Variants in MINDY1 observed in about 807,000 individuals in gnomAD.
MINDY1 encodes the protein MINDY lysine 48 deubiquitinase 1.
MINDY1 carries 50 observed loss-of-function variants against 53.6 expected under a neutral mutation model. The ratio of observed to expected loss-of-function variants is 0.93; its 90% CI spans 0.74 to 1.18. The LOEUF is 1.18. MINDY1 is among the 50% of genes most tolerant of loss of function. The pLI is 0.00. For synonymous variants in MINDY1, 231 were observed against 234.7 expected (o/e 0.98, Z 0.14); for missense variants, 484 against 578.6 (o/e 0.84, Z 1.68).
Position 150,998,246 on chromosome 1 carries a change from G to T in MINDY1, c.1009C>A (p.Gln337Lys). 6.2e-7 allele frequency: 1 copy of T among 1,614,002 alleles called. No individual in the cohort carries two copies. Among genetic ancestry groups the T allele is most frequent in the Non-Finnish European group, 8.5e-7 (1 of 1,179,970 alleles). The change falls in exon 8 of 10, where the codon CAG becomes AAG. Residue 337 changes from glutamine (Q) to lysine (K), a missense_variant. Gln to Lys is a moderately conservative substitution (Grantham distance 53, BLOSUM62 1). Transcript: ENST00000683666. ...ACTTGCTCCTCCTGTAGAAAGCCCTGGTCAGTGACCAGTAGGTATAAGTGA... is the reference window on the plus strand; with the variant it reads ...ACTTGCTCCTCCTGTAGAAAGCCCTTGTCAGTGACCAGTAGGTATAAGTGA... The part of the protein sequence containing the change: ...KSHLYLLVTD[Q>K]GFLQEEQVVW...
upstream of MINDY1, chr1:151,008,379 G>A: frequency 8.1e-7 from 1 of 1,227,478 alleles, no homozygotes; most frequent in South Asian, 1.6e-5. Context: ...CCGGAAAGAC[G>A]TCCCAGGAGC....
Position 151,001,731 on chromosome 1 carries a change from G to A in MINDY1, c.505C>T (p.His169Tyr), listed in dbSNP as rs1672601138. 6.2e-7 allele frequency: 1 copy of A among 1,610,632 alleles called. No homozygotes were observed. The highest frequency in any genetic ancestry group is 8.5e-7 in the Non-Finnish European group (1 of 1,179,006). The part of the protein sequence containing the change: ...EVITSDELMA[H>Y]LGNCLLSIKP... ...TCAACGCCCAGTCACTCACCAAGATGGGCCATGAGCTCATCCGATGTGATC... is the reference window on the plus strand; with the variant it reads ...TCAACGCCCAGTCACTCACCAAGATAGGCCATGAGCTCATCCGATGTGATC... Residue 169 changes from histidine to tyrosine, a missense_variant, in exon 3 of 10, where the codon CAT becomes TAT. Coordinates refer to ENST00000683666, the MANE Select transcript of MINDY1 (RefSeq NM_001376665.1).
At chr1:150,997,882 C>G in intron 8 of MINDY1, 103 bp from the exon 9 acceptor site, 1 of 1,325,292 alleles carries the variant, frequency 7.5e-7, no homozygotes, top group Non-Finnish European at 1.0e-6. Flanking sequence ...TTCTCTAGCT[C>G]TTTCTCCCCA....
chr1:151,001,083 C>T (rs1362647875), intron 4 of MINDY1, among the ~76,000 whole-genome samples, 167 bp downstream of exon 4: 1 of 152,098 alleles, frequency 6.6e-6, no homozygotes, highest in Non-Finnish European at 1.5e-5. Context: ...GAGCACCCGG[C>T]CAATGAACAT....
At position 151,001,769 on chromosome 1, in the gene MINDY1, G is replaced by C; in HGVS notation, c.467C>G (p.Pro156Arg). 7 of 1,598,188 alleles carry C rather than the reference G, an allele frequency of 4.4e-6. No individual in the cohort carries two copies. The highest frequency in any genetic ancestry group is 1.4e-5 in the African/African-American group (1 of 73,882). ...LFLQWKVKLP[P>R]QKEVITSDEL... ...ATCCGATGTGATCACTTCCTTCTGC[G>C]GGGGGAGCTTCACCTGGAGGCAGAA... is the stretch of plus-strand genomic sequence containing the variant. Residue 156 changes from proline to arginine, a missense_variant, in exon 3 of 10, where the codon CCG (proline) becomes CGG (arginine). By Grantham distance (103) the Pro-to-Arg change is moderately radical. Transcript: ENST00000683666.
Position 150,997,338 on chromosome 1 carries a change from G to C in MINDY1, c.1359C>G (p.Ala453=). 25 of 1,602,288 alleles carry C rather than the reference G, an allele frequency of 1.6e-5. No homozygotes were observed. The highest frequency in any genetic ancestry group is 2.0e-5 in the Non-Finnish European group (23 of 1,173,320). The part of the protein sequence containing the change: ...QGRGATSGRP[A]GERRQRPKHE... ...GCTTCGGCCTCTGCCGACGCTCCCCGGCTGGGCGTCCAGATGTGGCTCCTC... is the reference window on the plus strand; with the variant it reads ...GCTTCGGCCTCTGCCGACGCTCCCCCGCTGGGCGTCCAGATGTGGCTCCTC... Residue 453 remains alanine, a synonymous_variant, in exon 10 of 10, where the codon GCC becomes GCG. Coordinates refer to ENST00000683666, the MANE Select transcript of MINDY1 (RefSeq NM_001376665.1).
rs992994575 is a variant in MINDY1 at position 150,997,910 on chromosome 1, C to T, written c.1174-131G>A. On this transcript the variant is annotated intron_variant, in intron 8 of 9. Coordinates refer to ENST00000683666, the MANE Select transcript of MINDY1 (RefSeq NM_001376665.1). Reference sequence around the variant, plus strand: ...TCTCCCCACAGAGCAGCACACACAGCCAAATGCATTATCTGTGGTGCCAGA... The same window carrying T: ...TCTCCCCACAGAGCAGCACACACAGTCAAATGCATTATCTGTGGTGCCAGA... 2.0e-4 allele frequency: 239 copies of T among 1,173,322 alleles called. 1 individual carries two copies. The highest frequency in any genetic ancestry group is 2.5e-4 in the Non-Finnish European group (214 of 846,586). 72.7% of individuals were successfully genotyped at this position (1,173,322 alleles called of 1,614,324 possible).
upstream of MINDY1, among the ~76,000 whole-genome samples, chr1:151,007,744 G>A (rs765188226): frequency 3.3e-5 from 5 of 152,200 alleles, no homozygotes; most frequent in Non-Finnish European, 7.3e-5. Context: ...TCTGCGGCTG[G>A]AAAGTGGCAG....
chr1:151,000,368 C>A, intron 5 of MINDY1, 89 bp downstream of exon 5: 1 of 1,387,334 alleles, frequency 7.2e-7, no homozygotes, highest in East Asian at 2.3e-5. Context: ...AATCTAACCC[C>A]TAACTCCCTA....
In MINDY1 at chr1:150,998,119, C is replaced by T. The variant is rs777294990; in HGVS notation, c.1136G>A (p.Gly379Glu). 1.9e-6 allele frequency: 3 copies of T among 1,613,574 alleles called. No individual in the cohort carries two copies. Among genetic ancestry groups the T allele is most frequent in the Non-Finnish European group, 2.5e-6 (3 of 1,179,982 alleles). ...CAGCTGCGTTTCTGGGGAGCCACTC[C>T]CACCTTCTGCTCCAGGCCCCTTGCC... ...SLGKGPGAEG[G>E]SGSPETQLQV... The change falls in exon 8 of 10, where the codon GGG (glycine) becomes GAG (glutamate). Residue 379 changes from glycine (G) to glutamate (E), a missense_variant. Transcript: ENST00000683666.
chr1:150,997,095 G>A lies in MINDY1; in HGVS notation c.*192C>T. On this transcript the variant is annotated 3_prime_UTR_variant, in exon 10 of 10. Coordinates refer to ENST00000683666, the MANE Select transcript of MINDY1 (RefSeq NM_001376665.1). Reference sequence around the variant, plus strand: ...CCAATCCTAGTGTTGCCCTGGATGGGAGGCAGAGAAGGCAGCAGCACGTGA... The same window carrying A: ...CCAATCCTAGTGTTGCCCTGGATGGAAGGCAGAGAAGGCAGCAGCACGTGA... 1.6e-6 allele frequency: 1 copy of A among 626,970 alleles called. No homozygotes were observed. The highest frequency in any genetic ancestry group is 2.8e-6 in the Non-Finnish European group (1 of 353,670). The allele number at this position is 626,970 out of a possible 1,614,324, so 38.8% of individuals were successfully genotyped here. A position where few individuals can be genotyped will look rare whatever the true frequency, so the allele number is the denominator to read the frequency against.
In MINDY1 at chr1:151,000,632, A is replaced by G; in HGVS notation, c.577-17T>C. The G allele has an allele frequency of 6.3e-7, 1 of 1,599,302 alleles. No individual in the cohort carries two copies. The highest frequency in any genetic ancestry group is 8.5e-7 in the Non-Finnish European group (1 of 1,173,432). Reference sequence around the variant, plus strand: ...ATCCACATTCTGGGGGTAGAAAAAAAAATGATGGAGATTCTAGCCTTCTCT... The same window carrying G: ...ATCCACATTCTGGGGGTAGAAAAAAGAATGATGGAGATTCTAGCCTTCTCT... On this transcript the variant is annotated splice_polypyrimidine_tract_variant and intron_variant, in intron 4 of 9. Coordinates refer to ENST00000683666, the MANE Select transcript of MINDY1 (RefSeq NM_001376665.1).
chr1:151,003,479 G>A (rs1672797217), intron 1 of MINDY1, among the ~76,000 whole-genome samples: 1 of 152,030 alleles, frequency 6.6e-6, no homozygotes, highest in Admixed American at 6.6e-5. Flanking sequence ...ATCAGAGACT[G>A]GTTTTGATAA....
intron 9 of MINDY1, 80 bp from the exon 10 acceptor site, chr1:150,997,447 T>C (rs1457530044): frequency 7.1e-6 from 11 of 1,546,740 alleles, no homozygotes; most frequent in East Asian, 2.4e-5. Flanking sequence ...GGTGTCAGGA[T>C]TGGGACAGAG....
chr1:150,997,468 G>A (rs750600438), intron 9 of MINDY1, 101 bp from the exon 10 acceptor site: 2 of 1,537,556 alleles, frequency 1.3e-6, no homozygotes, highest in Non-Finnish European at 1.8e-6. Flanking sequence ...AGTAGGGAGA[G>A]GAAGACAGGA....
chr1:151,005,658 T>A (rs1310098789), intron 1 of MINDY1, among the ~76,000 whole-genome samples: 1 of 152,040 alleles, frequency 6.6e-6, no homozygotes, highest in East Asian at 1.9e-4. Context: ...GGCTAAGTCT[T>A]AAGAGGCAGG....
chr1:151,006,036 AAT>A (rs1673160319), intron 1 of MINDY1: 2 of 1,539,148 alleles, frequency 1.3e-6, no homozygotes, highest in Admixed American at 4.0e-5. Context: ...TTGTGCAATC[AAT>A]AGTTTAGATT....
chr1:151,006,847 A>G lies in MINDY1; in HGVS notation c.-625T>C. 1.0e-6 allele frequency: 1 copy of G among 985,324 alleles called. No homozygotes were observed. The highest frequency in any genetic ancestry group is 1.2e-6 in the Non-Finnish European group (1 of 829,930). The allele number at this position is 985,324 out of a possible 1,614,324, so 61.0% of individuals were successfully genotyped here. On this transcript the variant is annotated 5_prime_UTR_variant, in exon 1 of 10. Transcript: ENST00000683666. ...GAGAAACAGGAGAGAAAAACAACAG[A>G]CCCTTTCTCTTCCCTCTGCCTGCCT...
chr1:151,007,688 G>A (rs1167259140), upstream of MINDY1, among the ~76,000 whole-genome samples: 5 of 152,076 alleles, frequency 3.3e-5, no homozygotes, highest in Admixed American at 6.6e-5. Flanking sequence ...ATAAATGAGG[G>A]AATTTTTGAT....
Sources: gnomAD v4.1 joint callset for allele counts (sites outside exome capture counted in the v4.1 genomes callset) on GRCh38, gnomAD v4.1.1 for gene constraint, MANE v1.5 for transcripts, NCBI Gene and HGNC (gene_info 2026-07-23, HGNC 2026-07-21) for gene names.